The following RHOA variants were observed in gnomAD, a reference collection of about 807,000 sequenced individuals.
The protein encoded by RHOA is transforming protein RhoA.
RHOA carries 3 observed loss-of-function variants against 17.5 expected under a neutral mutation model. The observed-to-expected ratio is 0.17, with a 90% CI of 0.08 to 0.44. The LOEUF (loss-of-function observed/expected upper bound fraction) is 0.44, where lower values mean the gene tolerates loss of function less well. Among genes scored for constraint, RHOA ranks in the 20% least tolerant of loss-of-function variants. The probability of loss-of-function intolerance (pLI) is 0.99; values close to 1 mark genes in which losing one functional copy is unlikely to be tolerated. For missense variants in RHOA, 56 were observed against 242.3 expected (o/e 0.23, Z 5.10); for synonymous variants, 98 against 88.4 (o/e 1.11, Z -0.61).
intron 1 of RHOA, among the ~76,000 whole-genome samples, chr3:49,409,455 G>A (rs948202639): frequency 3.9e-5 from 6 of 152,124 alleles, no homozygotes; most frequent in African/African-American, 1.2e-4. Flanking sequence ...CAGTGACTAT[G>A]TACTATTTAT....
At chr3:49,365,624 T>C (rs34149426) in intron 3 of RHOA, among the ~76,000 whole-genome samples, 106 of 145,044 alleles carry the variant, frequency 7.3e-4, no homozygotes, top group Non-Finnish European at 1.3e-3. Flanking sequence ...AGAGTCTCAC[T>C]CTGTCACCTA....
intron 1 of RHOA, among the ~76,000 whole-genome samples, chr3:49,377,182 A>G (rs886471085): frequency 2.6e-5 from 4 of 152,112 alleles, no homozygotes; most frequent in African/African-American, 9.7e-5. Flanking sequence ...TGTAATCCCA[A>G]CACTTTGGGA....
At position 49,409,296 on chromosome 3, in the gene RHOA, G is replaced by A. The variant is rs374211182; in HGVS notation, c.-3+2524C>T. On this transcript the variant is annotated intron_variant, in intron 1 of 4. Coordinates refer to ENST00000418115, the MANE Select transcript of RHOA (RefSeq NM_001664.4). ...TGTAGTCCCAGCTACTCCAGGGGCC[G>A]AGGCAGGAGAATCACTTGAACCCAG... Among the ~76,000 whole-genome samples the A allele has an allele frequency of 3.9e-5, 6 of 152,130 alleles. No homozygotes were observed. The East Asian group carries it at 5.9e-4, about 15-fold the overall frequency.
At chr3:49,361,848 G>C (rs2047977112) in intron 4 of RHOA, among the ~76,000 whole-genome samples, 1 of 151,860 alleles carries the variant, frequency 6.6e-6, no homozygotes, top group South Asian at 2.1e-4. Context: ...CTGCATTCCA[G>C]CCTGGGTGAC....
At chr3:49,374,766 C>A (rs1404710273) in intron 2 of RHOA, among the ~76,000 whole-genome samples, 1 of 151,796 alleles carries the variant, frequency 6.6e-6, no homozygotes, top group Non-Finnish European at 1.5e-5. Flanking sequence ...GCTAAGGACA[C>A]CATGTCAAAT....
At chr3:49,389,006 C>T (rs1357500655) in intron 1 of RHOA, among the ~76,000 whole-genome samples, 2 of 152,082 alleles carry the variant, frequency 1.3e-5, no homozygotes, top group Non-Finnish European at 2.9e-5. Flanking sequence ...ATGTTTCATA[C>T]CATATTTGTA....
chr3:49,361,606 C>T (rs574252424), intron 4 of RHOA, among the ~76,000 whole-genome samples: 1 of 152,178 alleles, frequency 6.6e-6, no homozygotes, highest in South Asian at 2.1e-4. Flanking sequence ...CAGGCCCGGG[C>T]GTGGTGGCTC....
At chr3:49,393,310 G>A (rs1161022248) in intron 1 of RHOA, among the ~76,000 whole-genome samples, 2 of 151,978 alleles carry the variant, frequency 1.3e-5, no homozygotes, top group South Asian at 4.2e-4. Context: ...GTGGCCTTGT[G>A]TCAACTTTTT....
At chr3:49,403,501 G>C (rs1031297844) in intron 1 of RHOA, among the ~76,000 whole-genome samples, 4 of 151,910 alleles carry the variant, frequency 2.6e-5, no homozygotes, top group Non-Finnish European at 5.9e-5. Context: ...AATCACTTAA[G>C]GCCAGGAGTT....
intron 2 of RHOA, among the ~76,000 whole-genome samples, chr3:49,373,629 C>T (rs889084724): frequency 6.6e-6 from 1 of 152,274 alleles, no homozygotes; most frequent in Non-Finnish European, 1.5e-5. Flanking sequence ...TGGACCAACA[C>T]AAGACCTCAT....
chr3:49,375,331 G>T, intron 2 of RHOA, 103 bp downstream of exon 2: 1 of 1,037,378 alleles, frequency 9.6e-7, no homozygotes, highest in South Asian at 2.0e-5. Context: ...CAACATTTTT[G>T]TTATATGGTA....
intron 2 of RHOA, among the ~76,000 whole-genome samples, chr3:49,368,874 A>AT (rs1350727062): frequency 6.7e-6 from 1 of 150,224 alleles, no homozygotes. Context: ...CACCCGGCTA[A>AT]TTTTTTGTAT....
At chr3:49,391,122 G>A (rs957147612) in intron 1 of RHOA, among the ~76,000 whole-genome samples, 2 of 151,754 alleles carry the variant, frequency 1.3e-5, no homozygotes, top group African/African-American at 4.8e-5. Context: ...GGAGGATGAG[G>A]CAGGAGAACC....
intron 1 of RHOA, among the ~76,000 whole-genome samples, chr3:49,381,671 C>G (rs1175203547): frequency 6.6e-6 from 1 of 151,650 alleles, no homozygotes. Flanking sequence ...TCGAGACCAG[C>G]CTGACCAACA....
intron 1 of RHOA, among the ~76,000 whole-genome samples, 181 bp downstream of exon 1, chr3:49,411,639 T>TCGCCGCTTGGGGCGCGGGGC (rs1318199727): frequency 2.1e-4 from 31 of 150,826 alleles, no homozygotes; most frequent in African/African-American, 7.6e-4. Context: ...GCGGGCGGGG[T>TCGCCGCTTGGGGCGCGGGGC]CGCCGCTTGG....
chr3:49,388,274 T>G (rs7631908), intron 1 of RHOA, among the ~76,000 whole-genome samples: 66,453 of 151,910 alleles, frequency 0.44, 15,851 homozygotes, highest in East Asian at 0.93. Flanking sequence ...CTCCTGGGCT[T>G]AAGTGACCCA....
chr3:49,369,038 T>G (rs1173153541), intron 2 of RHOA, among the ~76,000 whole-genome samples: 1 of 108,266 alleles, frequency 9.2e-6, no homozygotes, highest in African/African-American at 3.6e-5. Context: ...TTTTTTTTTT[T>G]TGTTGAGACG....
intron 3 of RHOA, among the ~76,000 whole-genome samples, chr3:49,363,258 A>C (rs1216889313): frequency 6.6e-6 from 1 of 151,920 alleles, no homozygotes; most frequent in Non-Finnish European, 1.5e-5. Flanking sequence ...CTCTACTAAA[A>C]ATACAAAAAA....
intron 1 of RHOA, among the ~76,000 whole-genome samples, chr3:49,390,733 G>C (rs1396810786): frequency 6.6e-6 from 1 of 152,168 alleles, no homozygotes; most frequent in Non-Finnish European, 1.5e-5. Context: ...AGTGACAGTA[G>C]AGAAACTGAA....
Sources: allele counts gnomAD v4.1 joint callset (sites outside exome capture counted in the v4.1 genomes callset), GRCh38; gene constraint gnomAD v4.1.1; transcripts MANE v1.5; gene names NCBI Gene and HGNC (gene_info 2026-07-23, HGNC 2026-07-21).